GKN2: variants seen among roughly 807,000 people sequenced by gnomAD.
GKN2 encodes gastrokine-2.
GKN2 carries 17 observed loss-of-function variants against 22.7 expected under a neutral mutation model. That is an observed-to-expected ratio of 0.75 (90% CI 0.51 to 1.13). GKN2 has a LOEUF of 1.13. GKN2 is among the 50% of genes most tolerant of loss of function. The pLI, the probability that GKN2 is intolerant of heterozygous loss-of-function variation, is 0.00. For missense variants in GKN2, 248 were observed against 221.4 expected (o/e 1.12, Z -0.76); for synonymous variants, 82 against 79.6 (o/e 1.03, Z -0.16).
chr2:68,945,481 G>T (rs754872509), intron 5 of GKN2, 31 bp from the exon 6 acceptor site: 13 of 1,466,170 alleles, frequency 8.9e-6, no homozygotes, highest in Non-Finnish European at 1.2e-5. Flanking sequence ...CAGAGAAAGA[G>T]CATTAAAAAA....
intron 5 of GKN2, 123 bp from the exon 6 acceptor site, chr2:68,945,573 C>G: frequency 1.5e-6 from 1 of 671,842 alleles, no homozygotes; most frequent in Non-Finnish European, 2.6e-6. Context: ...TGGCTCAATC[C>G]CAGTGATATT....
At chr2:68,947,049 G>T in intron 4 of GKN2, 98 bp downstream of exon 4, 1 of 739,338 alleles carries the variant, frequency 1.4e-6, no homozygotes, top group Non-Finnish European at 2.5e-6. Context: ...GGTAAGGCAT[G>T]ATAGTATGAT....
chr2:68,950,143 T>C lies in GKN2; in HGVS notation c.187A>G (p.Ile63Val). ...CTGCTTACATGTTTATAGTCAAAAA[T>C]TGTGGTAGAAGAGCATGATCCTGCA... ...IHAGSCSSTT[I>V]FDYKHGYIAS... The change falls in exon 3 of 6, where the codon ATT becomes GTT. Residue 63 changes from isoleucine to valine, a missense_variant. By Grantham distance (29) the Ile-to-Val change is conservative. Coordinates refer to ENST00000328895, the MANE Select transcript of GKN2 (RefSeq NM_182536.3). The C allele has an allele frequency of 6.2e-7, 1 of 1,612,286 alleles. No individual in the cohort carries two copies. Among genetic ancestry groups the C allele is most frequent in the Non-Finnish European group, 8.5e-7 (1 of 1,179,526 alleles).
chr2:68,948,198 A>G (rs2103890620), intron 3 of GKN2, among the ~76,000 whole-genome samples: 1 of 149,356 alleles, frequency 6.7e-6, no homozygotes, highest in African/African-American at 2.5e-5. Flanking sequence ...GTGAGCCAAG[A>G]TCACACCACT....
At chr2:68,946,165 G>T in intron 5 of GKN2, 139 bp downstream of exon 5, 1 of 633,980 alleles carries the variant, frequency 1.6e-6, no homozygotes. Context: ...TACACACATG[G>T]CATGTAATTA....
chr2:68,948,631 T>C (rs1669809251), intron 3 of GKN2, among the ~76,000 whole-genome samples: 1 of 152,160 alleles, frequency 6.6e-6, no homozygotes, highest in Non-Finnish European at 1.5e-5. Context: ...TAAGGTGGGA[T>C]TGAAAGAGCA....
intron 5 of GKN2, chr2:68,946,095 G>A (rs1240642717): frequency 2.2e-6 from 1 of 459,870 alleles, no homozygotes; most frequent in African/African-American, 2.0e-5. Context: ...TTCTTCACTA[G>A]ACTATGTGTT....
intron 5 of GKN2, 163 bp from the exon 6 acceptor site, chr2:68,945,613 G>A: frequency 3.8e-6 from 2 of 527,034 alleles, no homozygotes; most frequent in Non-Finnish European, 6.9e-6. Context: ...GCATACCTAT[G>A]TGCCTTTATT....
chr2:68,952,824 A>G, intron 1 of GKN2, 26 bp downstream of exon 1: 1 of 1,613,666 alleles, frequency 6.2e-7, no homozygotes, highest in East Asian at 2.2e-5. Context: ...CCACAAGAGT[A>G]TCAAGAAGCA....
intron 1 of GKN2, among the ~76,000 whole-genome samples, chr2:68,951,729 G>C (rs1669859094): frequency 1.3e-5 from 2 of 152,194 alleles, no homozygotes; most frequent in Non-Finnish European, 2.9e-5. Context: ...CCACAGACCA[G>C]CTCCAGCAAC....
At chr2:68,952,173 A>T (rs1248132075) in intron 1 of GKN2, among the ~76,000 whole-genome samples, 1 of 152,192 alleles carries the variant, frequency 6.6e-6, no homozygotes, top group Non-Finnish European at 1.5e-5. Flanking sequence ...TGGCCATAGA[A>T]GGAACGTTTT....
intron 4 of GKN2, 127 bp from the exon 5 acceptor site, chr2:68,946,587 A>G (rs547466240): frequency 2.9e-4 from 211 of 725,456 alleles, no homozygotes; most frequent in Middle Eastern, 3.8e-4. Flanking sequence ...ATCTCAAGAC[A>G]TCATCTCTTT....
intron 2 of GKN2, 141 bp from the exon 3 acceptor site, chr2:68,950,404 A>C: frequency 1.3e-6 from 1 of 777,758 alleles, no homozygotes; most frequent in Non-Finnish European, 2.0e-6. Flanking sequence ...CAATCCAAAA[A>C]CTTATGATGC....
intron 3 of GKN2, among the ~76,000 whole-genome samples, chr2:68,949,697 G>A (rs1190730264): frequency 6.6e-6 from 1 of 152,208 alleles, no homozygotes; most frequent in Middle Eastern, 3.2e-3. Flanking sequence ...TGGGATTACA[G>A]GCATGAGCCA....
Position 68,950,126 on chromosome 2 carries a change from A to G in GKN2, c.204T>C (p.His68=). The part of the protein sequence containing the change: ...CSSTTIFDYK[H]GYIASRVLSR... The stretch of plus-strand genomic sequence containing the variant: ...ATATGAAAATTCATTTGCTGCTTAC[A>G]TGTTTATAGTCAAAAATTGTGGTAG... The change falls in exon 3 of 6, where the codon CAT becomes CAC. Residue 68 remains histidine (H), a splice_region_variant and synonymous_variant. Coordinates refer to ENST00000328895, the MANE Select transcript of GKN2 (RefSeq NM_182536.3). The G allele has an allele frequency of 6.2e-7, 1 of 1,612,582 alleles. No homozygotes were observed.
chr2:68,945,477 A>C (rs1425171553), intron 5 of GKN2, 27 bp from the exon 6 acceptor site: 1 of 1,475,806 alleles, frequency 6.8e-7, no homozygotes, highest in East Asian at 2.3e-5. Flanking sequence ...TTTTCAGAGA[A>C]AGAGCATTAA....
At chr2:68,952,257 G>T (rs942044168) in intron 1 of GKN2, among the ~76,000 whole-genome samples, 2 of 152,274 alleles carry the variant, frequency 1.3e-5, no homozygotes, top group South Asian at 4.2e-4. Context: ...CCATGATTGC[G>T]CCTGCAAGTG....
At position 68,946,430 on chromosome 2, in the gene GKN2, T is replaced by G; in HGVS notation, c.346A>C (p.Thr116Pro). The change falls in exon 5 of 6, where the codon ACC becomes CCC. Residue 116 changes from threonine (T) to proline (P), a missense_variant. Coordinates refer to ENST00000328895, the MANE Select transcript of GKN2 (RefSeq NM_182536.3). Reference sequence around the variant, plus strand: ...TCCAGAGGGTTGTACTTGACCCAGGTGTATTTGCTGGAGAACATGTTGTCC... The same window carrying G: ...TCCAGAGGGTTGTACTTGACCCAGGGGTATTTGCTGGAGAACATGTTGTCC... ...ALDNMFSSKY[T>P]WVKYNPLESL... The G allele has an allele frequency of 6.2e-7, 1 of 1,611,896 alleles. No homozygotes were observed. The highest frequency in any genetic ancestry group is 8.5e-7 in the Non-Finnish European group (1 of 1,179,332).
At chr2:68,949,429 TA>T (rs1257859394) in intron 3 of GKN2, among the ~76,000 whole-genome samples, 4 of 152,036 alleles carry the variant, frequency 2.6e-5, no homozygotes, top group Admixed American at 2.6e-4. Context: ...TTTATTTATT[TA>T]TTTTTTTGAG....
Sources: gnomAD v4.1 joint callset for allele counts (sites outside exome capture counted in the v4.1 genomes callset) on GRCh38, gnomAD v4.1.1 for gene constraint, MANE v1.5 for transcripts, NCBI Gene and HGNC (gene_info 2026-07-23, HGNC 2026-07-21) for gene names.